The following COL3A1 variants were observed in gnomAD, a reference collection of about 807,000 sequenced individuals.
COL3A1 encodes the protein collagen alpha-1(III) chain.
COL3A1 carries 46 observed loss-of-function variants against 200.9 expected under a neutral mutation model. That is an observed-to-expected ratio of 0.23 (90% confidence interval 0.18 to 0.29). The LOEUF is 0.29. Among genes scored for constraint, COL3A1 ranks in the 10% least tolerant of loss-of-function variants. The pLI is 1.00. For synonymous variants in COL3A1, 650 were observed against 628.0 expected, an observed-to-expected ratio of 1.03 and a Z score of -0.52; for missense variants, 1,367 against 1,917.6, an observed-to-expected ratio of 0.71 and a Z score of 5.36.
chr2:188,981,375 A>G (rs1362297102), intron 1 of COL3A1, among the ~76,000 whole-genome samples: 1 of 151,476 alleles, frequency 6.6e-6, no homozygotes, highest in African/African-American at 2.4e-5. Context: ...AATTTCTTTC[A>G]GAATTGTACT....
chr2:188,985,613 T>A lies in COL3A1; in HGVS notation c.334-52T>A, dbSNP rs906846140. Reference sequence around the variant, plus strand: ...AGAGAAACAACAATCTGATAATGATTGTGAATCACCAGGATTTTTCACTAT... The same window carrying A: ...AGAGAAACAACAATCTGATAATGATAGTGAATCACCAGGATTTTTCACTAT... On this transcript the variant is annotated intron_variant, in intron 3 of 50. Coordinates refer to ENST00000304636, the MANE Select transcript of COL3A1 (RefSeq NM_000090.4). 3 of 1,150,052 alleles carry A rather than the reference T, an allele frequency of 2.6e-6. No individual in the cohort carries two copies. In the African/African-American group the frequency reaches 4.6e-5, roughly 18 times the overall value. 71.2% of individuals were successfully genotyped at this position (1,150,052 alleles called of 1,614,324 possible).
intron 28 of COL3A1, 69 bp downstream of exon 28, chr2:188,998,388 A>C: frequency 7.4e-7 from 1 of 1,346,770 alleles, no homozygotes; most frequent in Non-Finnish European, 1.1e-6. Flanking sequence ...GTCAACTATT[A>C]ACTTCTTAAT....
At position 188,984,760 on chromosome 2, in the gene COL3A1, C is replaced by G. The variant is rs759521597; in HGVS notation, c.80C>G (p.Ala27Gly). The part of the protein sequence containing the change: ...HPTIILAQQE[A>G]VEGGCSHLGQ... The stretch of plus-strand genomic sequence containing the variant: ...TCACGTCATCTAACTTGTTTTTCAG[C>G]TGTTGAAGGAGGATGTTCCCATCTT... The change falls in exon 2 of 51, where the codon GCT (alanine) becomes GGT (glycine). Residue 27 changes from alanine to glycine, a missense_variant and splice_region_variant. Physicochemically the swap from Ala to Gly is moderately conservative, Grantham distance 60. Transcript: ENST00000304636. The G allele has an allele frequency of 1.9e-6, 3 of 1,612,784 alleles. No homozygotes were observed. In the African/African-American group the frequency reaches 4.0e-5, roughly 22 times the overall value.
In COL3A1 at chr2:188,999,326, G is replaced by A. The variant is rs778145588; in HGVS notation, c.2064G>A (p.Leu688=). ...CTGGTGAACGTGGACCTCCTGGATT[G>A]GCAGGGGCCCCAGGACTTAGAGGTG... ...GAPGERGPPG[L]AGAPGLRGGA... The change falls in exon 30 of 51, where the codon TTG becomes TTA. Residue 688 remains leucine, a synonymous_variant. Coordinates refer to ENST00000304636, the MANE Select transcript of COL3A1 (RefSeq NM_000090.4). 3.1e-6 allele frequency: 5 copies of A among 1,591,480 alleles called. No individual in the cohort carries two copies. The South Asian group carries it at 5.7e-5, about 18-fold the overall frequency.
At chr2:189,010,466 A>G (rs772756398) in intron 49 of COL3A1, 101 bp downstream of exon 49, 52 of 1,514,914 alleles carry the variant, frequency 3.4e-5, no homozygotes, top group Non-Finnish European at 4.5e-5. Context: ...TGGTACAAAC[A>G]TAATTGCAGT....
Position 188,994,038 on chromosome 2 carries a change from G to A in COL3A1, c.1150G>A (p.Gly384Ser). ...CATTATCTGTTTTTTGTATACTTAG[G>A]GCCCTCCTGGGATTAATGGTAGTCC... The part of the protein sequence containing the change: ...QGHAGAQGPP[G>S]PPGINGSPGG... Residue 384 changes from glycine to serine, a missense_variant and splice_region_variant, in exon 17 of 51, where the codon GGC becomes AGC. Physicochemically the swap from Gly to Ser is moderately conservative, Grantham distance 56. Coordinates refer to ENST00000304636, the MANE Select transcript of COL3A1 (RefSeq NM_000090.4). This position sits in a 1 kb window ranked among gnomAD's most constrained non-coding sequence, Gnocchi z 4.5. 1 of 1,613,740 alleles carries A rather than the reference G, an allele frequency of 6.2e-7. No individual in the cohort carries two copies. Among genetic ancestry groups the A allele is most frequent in the Non-Finnish European group, 8.5e-7 (1 of 1,179,798 alleles).
intron 13 of COL3A1, 83 bp downstream of exon 13, chr2:188,991,805 A>C: frequency 7.0e-7 from 1 of 1,430,486 alleles, no homozygotes; most frequent in Admixed American, 1.7e-5. Flanking sequence ...GGCTGTAAAA[A>C]TATGTTAGGA....
chr2:189,010,568 T>C (rs1688700509), intron 49 of COL3A1, 80 bp from the exon 50 acceptor site: 2 of 1,569,302 alleles, frequency 1.3e-6, no homozygotes, highest in Non-Finnish European at 8.8e-7. Flanking sequence ...TATTACAATA[T>C]GCATACACAT....
At chr2:188,991,096 C>A in intron 11 of COL3A1, 39 bp downstream of exon 11, 1 of 1,580,244 alleles carries the variant, frequency 6.3e-7, no homozygotes, top group Non-Finnish European at 8.7e-7. Flanking sequence ...TAAGTAAATT[C>A]ATTAAATATT....
rs754922565 is a variant in COL3A1 at position 188,974,609 on chromosome 2, GTCTT to G, written c.79+46_79+49del. ...TTTCAAGAAACTTTATGGGATTTTT[GTCTT>G]TCTTCTCCTCACAAAGAGGGGTGTA... On this transcript the variant is annotated intron_variant, in intron 1 of 50. Transcript: ENST00000304636. 5.2e-6 allele frequency: 8 copies of G among 1,533,856 alleles called. No individual in the cohort carries two copies. The African/African-American group carries it at 1.1e-4, about 21-fold the overall frequency.
In COL3A1 at chr2:188,984,605, T is replaced by TTACATAGGGCAAGTATAATTTTC. The variant is rs550362990; in HGVS notation, c.80-152_80-130dup. On this transcript the variant is annotated intron_variant, in intron 1 of 50. Coordinates refer to ENST00000304636, the MANE Select transcript of COL3A1 (RefSeq NM_000090.4). ...AATTAATTTCTTGCTACTTAGCAAA[T>TTACATAGGGCAAGTATAATTTTC]TACATAGGGCAAGTATAATTTTCTA... Among the ~76,000 whole-genome samples the TTACATAGGGCAAGTATAATTTTC allele has an allele frequency of 8.6e-3, 1,307 of 152,130 alleles. 34 individuals carry two copies. Among genetic ancestry groups the TTACATAGGGCAAGTATAATTTTC allele is most frequent in the African/African-American group, 0.03 (1,246 of 41,522 alleles).
At chr2:189,007,860 C>T (rs372145849) in intron 45 of COL3A1, 25 bp from the exon 46 acceptor site, 10 of 1,613,260 alleles carry the variant, frequency 6.2e-6, no homozygotes, top group Non-Finnish European at 8.5e-6. Flanking sequence ...GCCTTCACTC[C>T]TATGTACACT....
At chr2:188,977,262 A>T in intron 1 of COL3A1, among the ~76,000 whole-genome samples, 1 of 152,088 alleles carries the variant, frequency 6.6e-6, no homozygotes, top group East Asian at 1.9e-4. Flanking sequence ...CAGAAACAGA[A>T]ACTTTATTTT....
At chr2:188,998,168 T>C in intron 27 of COL3A1, 98 bp from the exon 28 acceptor site, 3 of 1,143,044 alleles carry the variant, frequency 2.6e-6, no homozygotes, top group Non-Finnish European at 3.9e-6. Context: ...CCACTGGAAC[T>C]TTTTTTTAAT....
intron 35 of COL3A1, 132 bp downstream of exon 35, chr2:189,002,483 C>G: frequency 1.3e-6 from 1 of 780,390 alleles, no homozygotes; most frequent in South Asian, 1.5e-5. Context: ...ATTATTGTAC[C>G]CCTATTTTGT....
chr2:189,006,275 G>A lies in COL3A1; in HGVS notation c.3093+16G>A, dbSNP rs369029683. On this transcript the variant is annotated intron_variant, in intron 42 of 50. Coordinates refer to ENST00000304636, the MANE Select transcript of COL3A1 (RefSeq NM_000090.4). ...TGGTGGCAAGGTATAATAAACACAT[G>A]TGCAATTGATTTGTGTTATCAAAAT... 10 of 1,613,848 alleles carry A rather than the reference G, an allele frequency of 6.2e-6. No homozygotes were observed. Among genetic ancestry groups the A allele is most frequent in the African/African-American group, 1.3e-5 (1 of 74,918 alleles).
intron 1 of COL3A1, among the ~76,000 whole-genome samples, chr2:188,983,581 GAAAAATCTTAGGACCACTA>G (rs1314326608): frequency 6.6e-6 from 1 of 151,854 alleles, no homozygotes; most frequent in Non-Finnish European, 1.5e-5. Context: ...TGCCCAGATG[GAAAAATCTTAGGACCACTA>G]AAAGGCCTCT....
chr2:188,998,428 C>A, intron 28 of COL3A1, 109 bp downstream of exon 28: 1 of 1,059,882 alleles, frequency 9.4e-7, no homozygotes, highest in Non-Finnish European at 1.4e-6. Flanking sequence ...TGAGATTTAA[C>A]ATTTAGTTTT....
Position 188,998,269 on chromosome 2 carries a change from T to C in COL3A1, c.1927T>C (p.Leu643=), listed in dbSNP as rs41263757. 2.0e-3 allele frequency: 3,226 copies of C among 1,613,572 alleles called. 11 individuals carry two copies. Among genetic ancestry groups the C allele is most frequent in the Admixed American group, 2.2e-3 (132 of 60,004 alleles). ...GPPGPQGLQG[L]PGTGGPPGEN... is the part of the protein sequence containing the mutation. ...ATACAAATATGATTCTTTCTAGGGCTTGCCTGGTACAGGTGGTCCTCCAGG... is the reference window on the plus strand; with the variant it reads ...ATACAAATATGATTCTTTCTAGGGCCTGCCTGGTACAGGTGGTCCTCCAGG... Residue 643 remains leucine (L), a synonymous_variant, in exon 28 of 51, where the codon TTG becomes CTG. Transcript: ENST00000304636.
Sources: allele counts gnomAD v4.1 joint callset (sites outside exome capture counted in the v4.1 genomes callset), GRCh38; gene constraint gnomAD v4.1.1; non-coding constraint Gnocchi (gnomAD v3.1); transcripts MANE v1.5; gene names NCBI Gene and HGNC (gene_info 2026-07-23, HGNC 2026-07-21).